Variants in USP45 observed in about 807,000 individuals in gnomAD.
USP45 encodes ubiquitin specific peptidase 45.
USP45 carries 89 observed loss-of-function variants against 95.8 expected under a neutral mutation model. The observed-to-expected ratio is 0.93, with a 90% CI of 0.78 to 1.11. The LOEUF (loss-of-function observed/expected upper bound fraction) is 1.11. Ranked by LOEUF, USP45 falls within the 50% of genes least tolerant of loss-of-function variation. The pLI is 0.00. For synonymous variants in USP45, 281 were observed against 316.2 expected, an observed-to-expected ratio of 0.89 and a Z score of 1.18; for missense variants, 898 against 942.5, an observed-to-expected ratio of 0.95 and a Z score of 0.62.
intron 13 of USP45, 148 bp downstream of exon 13, chr6:99,464,456 T>C: frequency 7.0e-6 from 5 of 719,350 alleles, no homozygotes; most frequent in Non-Finnish European, 1.1e-5. Context: ...ATATAGTTAG[T>C]ATACAAGTAG....
rs556758549 is a variant in USP45, at chr6:99,462,026, C to T, written c.1308+2578G>A. 1.2e-4 allele frequency: 116 copies of T among 984,836 alleles called. No homozygotes were observed. The African/African-American group carries it at 1.5e-3, about 13-fold the overall frequency. 61.0% of individuals were successfully genotyped at this position (984,836 alleles called of 1,614,324 possible). A position where few individuals can be genotyped will look rare whatever the true frequency, so the allele number is the denominator to read the frequency against. On this transcript the variant is annotated intron_variant, in intron 13 of 17. Coordinates refer to ENST00000500704, the MANE Select transcript of USP45 (RefSeq NM_001346022.3). The stretch of plus-strand genomic sequence containing the variant: ...AATACATTTATGTCATTTAAATTTT[C>T]GCTTCTTGAATATAGTACCTTAAAG...
At position 99,502,033 on chromosome 6, in the gene USP45, A is replaced by T. The variant is rs115379852; in HGVS notation, c.478+1732T>A. On this transcript the variant is annotated intron_variant, in intron 5 of 17. Transcript: ENST00000500704. The stretch of plus-strand genomic sequence containing the variant: ...CCCTGCCAGAAAGACCAACCATGTG[A>T]TTAGAATGTTGGGGGCCTAGAGACT... The T allele has an allele frequency of 4.6e-5, 60 of 1,293,408 alleles. No individual in the cohort carries two copies. The African/African-American group carries it at 9.0e-4, about 19-fold the overall frequency. 80.1% of individuals were successfully genotyped at this position (1,293,408 alleles called of 1,614,324 possible).
chr6:99,493,978 T>C (rs1795765747), intron 5 of USP45, among the ~76,000 whole-genome samples: 1 of 152,216 alleles, frequency 6.6e-6, no homozygotes, highest in African/African-American at 2.4e-5. Flanking sequence ...AACTTCAAGA[T>C]GTTTTTAAGT....
At chr6:99,439,926 A>G (rs1781215300) in intron 15 of USP45, 71 bp from the exon 16 acceptor site, 2 of 1,247,030 alleles carry the variant, frequency 1.6e-6, no homozygotes, top group South Asian at 3.0e-5. Context: ...AACTAAAACC[A>G]AAAGAGAAAT....
intron 15 of USP45, among the ~76,000 whole-genome samples, chr6:99,443,141 C>A (rs145349868): frequency 6.6e-6 from 1 of 152,056 alleles, no homozygotes; most frequent in Non-Finnish European, 1.5e-5. Flanking sequence ...TGCTTAAACC[C>A]GGGAAGTGGA....
chr6:99,465,604 T>C (rs993406830), intron 11 of USP45, among the ~76,000 whole-genome samples: 3 of 152,188 alleles, frequency 2.0e-5, no homozygotes, highest in Non-Finnish European at 2.9e-5. Context: ...CTGTGTTGAA[T>C]AGTCTAGAAA....
At chr6:99,482,985 G>T in intron 7 of USP45, 102 bp from the exon 8 acceptor site, 1 of 978,390 alleles carries the variant, frequency 1.0e-6, no homozygotes, top group Non-Finnish European at 1.4e-6. Flanking sequence ...CAACTAAATT[G>T]CCTCAATTGT....
At chr6:99,443,770 A>G (rs1358271244) in intron 14 of USP45, 108 bp from the exon 15 acceptor site, 1 of 714,690 alleles carries the variant, frequency 1.4e-6, no homozygotes, top group Non-Finnish European at 2.2e-6. Flanking sequence ...AAAATGTTAA[A>G]GAAATTGGAC....
chr6:99,465,137 C>A lies in USP45; in HGVS notation c.1108-1G>T. 5 of 1,589,896 alleles carry A rather than the reference C, an allele frequency of 3.1e-6. No homozygotes were observed. Among genetic ancestry groups the A allele is most frequent in the South Asian group, 1.2e-5 (1 of 86,430 alleles). The stretch of plus-strand genomic sequence containing the variant: ...TGAATGGATCTTTCACCGTGGAGAT[C>A]TTAAAAGGAAAACACATTGAAAACT... On this transcript the variant is annotated splice_acceptor_variant, in intron 11 of 17. Transcript: ENST00000500704. LOFTEE classifies it high-confidence loss of function.
At position 99,453,173 on chromosome 6, in the gene USP45, G is replaced by GAAAA. The variant is rs35773193; in HGVS notation, c.1309-6714_1309-6711dup. Reference sequence around the variant, plus strand: ...CACATGTACCCTAGAACTTAAAAAAGAAAAAAAAAAAAACATAAAAGGCAT... The same window carrying GAAAA: ...CACATGTACCCTAGAACTTAAAAAAGAAAAAAAAAAAAAAAAACATAAAAGGCAT... On this transcript the variant is annotated intron_variant, in intron 13 of 17. Transcript: ENST00000500704. 3.9e-3 allele frequency among the ~76,000 whole-genome samples: 550 copies of GAAAA among 140,714 alleles called. 2 individuals carry two copies. Among genetic ancestry groups the GAAAA allele is most frequent in the Non-Finnish European group, 6.5e-3 (427 of 65,554 alleles). 92.3% of individuals were successfully genotyped at this position (140,714 alleles called of 152,430 possible). A position where few individuals can be genotyped will look rare whatever the true frequency, so the allele number is the denominator to read the frequency against.
intron 5 of USP45, among the ~76,000 whole-genome samples, chr6:99,493,251 C>A (rs1315010429): frequency 6.6e-6 from 1 of 152,072 alleles, no homozygotes; most frequent in Non-Finnish European, 1.5e-5. Flanking sequence ...GTCTTGAACT[C>A]CTGACTTCAG....
intron 13 of USP45, chr6:99,462,356 T>C (rs1005048117): frequency 2.0e-6 from 2 of 984,738 alleles, no homozygotes. Context: ...ATTTCTCTCA[T>C]ACATTTGGAT....
intron 1 of USP45, among the ~76,000 whole-genome samples, chr6:99,514,163 T>C (rs1164633911): frequency 6.6e-6 from 1 of 152,162 alleles, no homozygotes; most frequent in African/African-American, 2.4e-5. Flanking sequence ...TATTACACAA[T>C]GCAGTATGGA....
At chr6:99,444,250 A>G (rs1384495247) in intron 14 of USP45, among the ~76,000 whole-genome samples, 1 of 152,148 alleles carries the variant, frequency 6.6e-6, no homozygotes. Flanking sequence ...CCTGGCTACA[A>G]GCGATCCTCA....
At chr6:99,486,904 C>A (rs907359233) in intron 7 of USP45, among the ~76,000 whole-genome samples, 3 of 152,202 alleles carry the variant, frequency 2.0e-5, no homozygotes, top group South Asian at 2.1e-4. Flanking sequence ...AGTATCAACA[C>A]CTCCCAGCCA....
rs1788541909 is a variant in USP45, at chr6:99,468,539, T to C, written c.1013A>G (p.Lys338Arg). Residue 338 changes from lysine (K) to arginine (R), a missense_variant and splice_region_variant, in exon 10 of 18, where the codon AAA (lysine) becomes AGA (arginine). Transcript: ENST00000500704. Reference protein sequence around the residue: ...TADDETRKKVKAYGKEGVKMN... With the variant: ...TADDETRKKVRAYGKEGVKMN... ...GTTTTAACAAAGAGTCAACATACCT[T>C]TGACTTTTTTTCTAGTTTCATCATC... The C allele has an allele frequency of 6.3e-7, 1 of 1,595,698 alleles. No individual in the cohort carries two copies. The highest frequency in any genetic ancestry group is 8.6e-7 in the Non-Finnish European group (1 of 1,167,206).
rs17850034 is a variant in USP45 at position 99,482,751 on chromosome 6, A to G, written c.845+2T>C. On this transcript the variant is annotated splice_donor_variant, in intron 8 of 17. Coordinates refer to ENST00000500704, the MANE Select transcript of USP45 (RefSeq NM_001346022.3). LOFTEE classifies it high-confidence loss of function. Reference sequence around the variant, plus strand: ...ATTTATATTAAATGTAGATGCACCCACTTCTGACAAAGCTGATTAAAAAGA... The same window carrying G: ...ATTTATATTAAATGTAGATGCACCCGCTTCTGACAAAGCTGATTAAAAAGA... The G allele has an allele frequency of 0.014, 22,350 of 1,593,836 alleles. 195 individuals carry two copies. Among genetic ancestry groups the G allele is most frequent in the Non-Finnish European group, 0.017 (20,034 of 1,171,620 alleles).
chr6:99,492,322 G>A (rs1177099534), intron 5 of USP45, among the ~76,000 whole-genome samples: 3 of 152,154 alleles, frequency 2.0e-5, no homozygotes, highest in Non-Finnish European at 4.4e-5. Flanking sequence ...GGACAGCACT[G>A]CCAGAAAGAA....
chr6:99,477,249 A>G (rs1041970647), intron 8 of USP45, among the ~76,000 whole-genome samples: 2 of 152,226 alleles, frequency 1.3e-5, no homozygotes, highest in African/African-American at 4.8e-5. Context: ...AAGTGCCACT[A>G]ACATAACTAC....
Sources: gnomAD v4.1 joint callset for allele counts (sites outside exome capture counted in the v4.1 genomes callset) on GRCh38, gnomAD v4.1.1 for gene constraint, MANE v1.5 for transcripts, NCBI Gene and HGNC (gene_info 2026-07-23, HGNC 2026-07-21) for gene names.